Variants in FER observed in about 807,000 individuals in gnomAD.
FER encodes the protein FER tyrosine kinase, also known as tyrosine-protein kinase Fer.
In FER, 63 loss-of-function variants were observed where a neutral mutation model predicts 111.0. The ratio of observed to expected loss-of-function variants is 0.57; its 90% CI spans 0.46 to 0.70. FER has a LOEUF of 0.70. Ranked by LOEUF, FER falls within the 30% of genes least tolerant of loss-of-function variation. The pLI is 0.00. For synonymous variants in FER, 327 were observed against 313.9 expected (o/e 1.04, Z -0.44); for missense variants, 914 against 954.0 (o/e 0.96, Z 0.55).
intron 13 of FER, among the ~76,000 whole-genome samples, chr5:109,032,526 A>C (rs1355442090): frequency 1.3e-5 from 2 of 152,122 alleles, no homozygotes. Context: ...AGAGAACCCA[A>C]ACTAAGACAG....
At chr5:108,794,407 C>G (rs1183894626) in intron 2 of FER, among the ~76,000 whole-genome samples, 1 of 151,828 alleles carries the variant, frequency 6.6e-6, no homozygotes, top group African/African-American at 2.4e-5. Context: ...TTAGTAGAGA[C>G]AGGGTTTCAC....
chr5:108,945,434 T>C (rs1756855768), intron 10 of FER, among the ~76,000 whole-genome samples: 1 of 152,086 alleles, frequency 6.6e-6, no homozygotes, highest in Non-Finnish European at 1.5e-5. Context: ...AGATTTGAAA[T>C]TTTAGGAAAA....
At chr5:108,917,825 T>G (rs2149543399) in intron 10 of FER, among the ~76,000 whole-genome samples, 1 of 152,350 alleles carries the variant, frequency 6.6e-6, no homozygotes, top group Admixed American at 6.5e-5. Context: ...CAACTCTTGG[T>G]AATCAGGCTT....
At chr5:109,049,259 C>G (rs867064223) in intron 16 of FER, among the ~76,000 whole-genome samples, 1 of 152,174 alleles carries the variant, frequency 6.6e-6, no homozygotes, top group Non-Finnish European at 1.5e-5. Context: ...GACTGTGTTC[C>G]GTGCTCAGGG....
intron 16 of FER, among the ~76,000 whole-genome samples, chr5:109,085,760 A>G (rs1489755522): frequency 1.3e-5 from 2 of 151,764 alleles, no homozygotes; most frequent in Non-Finnish European, 3.0e-5. Flanking sequence ...TTTAAAAATC[A>G]TTAGTAGATA....
At chr5:109,043,544 C>T (rs922671642) in intron 14 of FER, among the ~76,000 whole-genome samples, 3 of 152,108 alleles carry the variant, frequency 2.0e-5, no homozygotes, top group African/African-American at 7.2e-5. Flanking sequence ...AGCCGTAGTT[C>T]AAGGTACAAA....
At chr5:108,847,614 G>A (rs1015202091) in intron 5 of FER, among the ~76,000 whole-genome samples, 4 of 152,080 alleles carry the variant, frequency 2.6e-5, no homozygotes, top group Non-Finnish European at 4.4e-5. Context: ...TATTGAAATC[G>A]CCAACCATAA....
At chr5:108,757,298 C>G (rs60944482) in intron 1 of FER, among the ~76,000 whole-genome samples, 2,583 of 152,210 alleles carry the variant, frequency 0.017, 79 homozygotes, top group African/African-American at 0.06. Context: ...AGTCTTGTGT[C>G]TATATCTTGC....
At chr5:109,123,531 T>G (rs757058100) in intron 17 of FER, among the ~76,000 whole-genome samples, 2 of 152,108 alleles carry the variant, frequency 1.3e-5, no homozygotes, top group Non-Finnish European at 2.9e-5. Flanking sequence ...CTTTTTATTT[T>G]TTTGTATATC....
intron 3 of FER, among the ~76,000 whole-genome samples, chr5:108,814,308 G>A (rs150747381): frequency 2.0e-5 from 3 of 151,996 alleles, no homozygotes; most frequent in Non-Finnish European, 2.9e-5. Flanking sequence ...ATTGGATCTC[G>A]CGCAAGAAAT....
At chr5:109,040,129 T>A (rs547631765) in intron 14 of FER, among the ~76,000 whole-genome samples, 1 of 152,170 alleles carries the variant, frequency 6.6e-6, no homozygotes, top group East Asian at 1.9e-4. Flanking sequence ...CAGTTTTGGA[T>A]GTATTGAGTT....
intron 17 of FER, among the ~76,000 whole-genome samples, chr5:109,164,635 C>A (rs182689687): frequency 1.3e-5 from 2 of 152,194 alleles, no homozygotes; most frequent in East Asian, 3.9e-4. Flanking sequence ...ATTAACATAT[C>A]TTTTTCATGA....
intron 13 of FER, among the ~76,000 whole-genome samples, chr5:108,984,322 A>G (rs528592358): frequency 3.3e-4 from 51 of 152,288 alleles, no homozygotes; most frequent in African/African-American, 1.0e-3. Context: ...AAACAATTCT[A>G]TTAGTCAAGT....
intron 3 of FER, among the ~76,000 whole-genome samples, chr5:108,801,032 G>A (rs1017756491): frequency 3.3e-5 from 5 of 152,132 alleles, no homozygotes; most frequent in East Asian, 1.9e-4. Flanking sequence ...GGGCGACAGA[G>A]CAAGACTCTG....
At chr5:108,909,257 T>C (rs1268234064) in intron 10 of FER, among the ~76,000 whole-genome samples, 2 of 152,170 alleles carry the variant, frequency 1.3e-5, no homozygotes, top group African/African-American at 4.8e-5. Flanking sequence ...ACCAGATGAA[T>C]TTTAAATCCT....
intron 11 of FER, among the ~76,000 whole-genome samples, chr5:108,951,868 A>G (rs1319121551): frequency 6.6e-6 from 1 of 152,164 alleles, no homozygotes; most frequent in South Asian, 2.1e-4. Flanking sequence ...ACAAATCTTC[A>G]TTACATACTT....
intron 17 of FER, among the ~76,000 whole-genome samples, chr5:109,149,954 T>A (rs1450864947): frequency 6.6e-6 from 1 of 152,186 alleles, no homozygotes; most frequent in Non-Finnish European, 1.5e-5. Context: ...AGCAACGCAT[T>A]AGATTCTCAA....
chr5:109,165,638 G>GTA (rs919378465), intron 17 of FER, among the ~76,000 whole-genome samples: 10 of 96,088 alleles, frequency 1.0e-4, no homozygotes, highest in African/African-American at 3.3e-4. Flanking sequence ...GTGTGTGTGT[G>GTA]TATACACACA....
chr5:108,749,377 C>A (rs1750179173), intron 1 of FER, among the ~76,000 whole-genome samples: 1 of 151,630 alleles, frequency 6.6e-6, no homozygotes. Flanking sequence ...TCCGCCCCGT[C>A]GCGGGGTCTG....
Sources: allele counts gnomAD v4.1 joint callset (sites outside exome capture counted in the v4.1 genomes callset), GRCh38; gene constraint gnomAD v4.1.1; transcripts MANE v1.5; gene names NCBI Gene and HGNC (gene_info 2026-07-23, HGNC 2026-07-21).